Variants in TAMM41 observed in about 807,000 individuals in gnomAD.
TAMM41 encodes the protein phosphatidate cytidylyltransferase, mitochondrial.
A neutral mutation model predicts 44.1 loss-of-function variants in TAMM41; 36 were observed. That is an observed-to-expected ratio of 0.82 (90% CI 0.63 to 1.08). The LOEUF (loss-of-function observed/expected upper bound fraction) is 1.08, where lower values mean the gene tolerates loss of function less well. TAMM41 is among the 50% of genes least tolerant of loss of function. The pLI is 0.00. For synonymous variants in TAMM41, 164 were observed against 153.1 expected (o/e 1.07, Z -0.53); for missense variants, 417 against 404.3 (o/e 1.03, Z -0.27).
chr3:11,758,291 C>G, the TAMM41 span, among the ~76,000 whole-genome samples: 6 of 152,284 alleles, frequency 3.9e-5, no homozygotes, highest in African/African-American at 1.4e-4. Context: ...GCAATGGAGA[C>G]ATTCCAGGAT....
chr3:11,821,479 C>T (rs974787630), intron 4 of TAMM41, among the ~76,000 whole-genome samples: 1 of 152,122 alleles, frequency 6.6e-6, no homozygotes, highest in Non-Finnish European at 1.5e-5. Context: ...TGACAGGAGG[C>T]GGAGCTCAGG....
the TAMM41 span, among the ~76,000 whole-genome samples, chr3:11,742,151 A>T: frequency 6.7e-6 from 1 of 150,032 alleles, no homozygotes; most frequent in Admixed American, 6.6e-5. Context: ...CCATATATCC[A>T]ATTCCACAGT....
chr3:11,828,634 G>A (rs1416199439), intron 4 of TAMM41, among the ~76,000 whole-genome samples: 1 of 152,172 alleles, frequency 6.6e-6, no homozygotes, highest in Admixed American at 6.5e-5. Context: ...GCCACTCTTT[G>A]CCCCTATGTC....
At chr3:11,746,960 C>T in the TAMM41 span, among the ~76,000 whole-genome samples, 1 of 151,944 alleles carries the variant, frequency 6.6e-6, no homozygotes, top group East Asian at 1.9e-4. Context: ...CCATCTATAT[C>T]TAGAAATTCT....
the TAMM41 span, among the ~76,000 whole-genome samples, chr3:11,741,359 C>T: frequency 4.0e-5 from 6 of 149,344 alleles, no homozygotes; most frequent in South Asian, 2.1e-4. Flanking sequence ...CCTTTAAGCA[C>T]GACCACAAGG....
chr3:11,832,266 G>T (rs1231110178), intron 3 of TAMM41, among the ~76,000 whole-genome samples: 2 of 134,812 alleles, frequency 1.5e-5, no homozygotes, highest in African/African-American at 3.0e-5. Context: ...ATCACAGATG[G>T]GAAACATTCA....
At chr3:11,728,355 C>T in the TAMM41 span, among the ~76,000 whole-genome samples, 1 of 152,202 alleles carries the variant, frequency 6.6e-6, no homozygotes, top group East Asian at 1.9e-4. Context: ...TCAGTTCAAA[C>T]CCACATCTGG....
chr3:11,792,521 C>G (rs116650406), intron 7 of TAMM41, among the ~76,000 whole-genome samples: 2 of 152,266 alleles, frequency 1.3e-5, no homozygotes, highest in African/African-American at 4.8e-5. Flanking sequence ...CTGTGCAGGG[C>G]GTCCAGAGTT....
At chr3:11,811,604 A>C (rs2078088083) in intron 5 of TAMM41, 1 of 152,230 alleles carries the variant, frequency 6.6e-6, no homozygotes, top group African/African-American at 2.4e-5. Flanking sequence ...ACGAAAGTGA[A>C]AGCATTCAGC....
the TAMM41 span, among the ~76,000 whole-genome samples, chr3:11,740,870 G>A: frequency 8.1e-5 from 11 of 136,246 alleles, no homozygotes; most frequent in East Asian, 1.6e-3. Context: ...CAGCCTGACC[G>A]GTAATTTCTA....
At position 11,846,685 on chromosome 3, in the gene TAMM41, C is replaced by T. The variant is rs1559339360; in HGVS notation, c.-49G>A. 6.2e-7 allele frequency: 1 copy of T among 1,612,374 alleles called. No homozygotes were observed. Among genetic ancestry groups the T allele is most frequent in the South Asian group, 1.1e-5 (1 of 90,950 alleles). Reference sequence around the variant, plus strand: ...CTCAGCGCAGCAGGGCGAGGACAACCGGGCGGGGAACAGACACCGGGTAGG... The same window carrying T: ...CTCAGCGCAGCAGGGCGAGGACAACTGGGCGGGGAACAGACACCGGGTAGG... On this transcript the variant is annotated 5_prime_UTR_variant, in exon 1 of 8. Coordinates refer to ENST00000455809, the MANE Select transcript of TAMM41 (RefSeq NM_001284401.2).
At chr3:11,723,593 A>AAC in the TAMM41 span, among the ~76,000 whole-genome samples, 1 of 151,686 alleles carries the variant, frequency 6.6e-6, no homozygotes, top group African/African-American at 2.4e-5. Context: ...AAAAAAAAAA[A>AAC]AACAAAAACA....
At chr3:11,812,464 G>C (rs1239437599) in intron 5 of TAMM41, among the ~76,000 whole-genome samples, 1 of 152,158 alleles carries the variant, frequency 6.6e-6, no homozygotes, top group East Asian at 1.9e-4. Context: ...TGGGCCTGGG[G>C]ACCAAGGGTA....
At chr3:11,743,335 CTTT>C in the TAMM41 span, among the ~76,000 whole-genome samples, 12 of 140,986 alleles carry the variant, frequency 8.5e-5, no homozygotes, top group Non-Finnish European at 1.1e-4. Context: ...CTAATAATCT[CTTT>C]TTTTTTTTTT....
downstream of TAMM41, among the ~76,000 whole-genome samples, chr3:11,786,081 C>G (rs2077414933): frequency 1.3e-5 from 2 of 152,128 alleles, no homozygotes; most frequent in African/African-American, 4.8e-5. Context: ...TTTTGAGAGA[C>G]AGAGTCTCGC....
chr3:11,757,282 C>T, the TAMM41 span, among the ~76,000 whole-genome samples: 3 of 152,112 alleles, frequency 2.0e-5, no homozygotes, highest in Admixed American at 2.0e-4. Flanking sequence ...GAGATGTTCG[C>T]TGTTATGTTG....
chr3:11,733,373 G>A, the TAMM41 span, among the ~76,000 whole-genome samples: 836 of 152,248 alleles, frequency 5.5e-3, 27 homozygotes, highest in Non-Finnish European at 7.2e-4. Context: ...ATAGATGCCT[G>A]AGGCCTTTTA....
chr3:11,770,193 C>T, the TAMM41 span, among the ~76,000 whole-genome samples: 1 of 152,206 alleles, frequency 6.6e-6, no homozygotes, highest in Non-Finnish European at 1.5e-5. Context: ...GCTGCACAGA[C>T]TCTGTCTCCG....
chr3:11,770,754 G>C, the TAMM41 span, among the ~76,000 whole-genome samples: 1 of 152,184 alleles, frequency 6.6e-6, no homozygotes, highest in Non-Finnish European at 1.5e-5. Context: ...ACGAGCGACA[G>C]CCTACCAACA....
Sources: allele counts gnomAD v4.1 joint callset (sites outside exome capture counted in the v4.1 genomes callset), GRCh38; gene constraint gnomAD v4.1.1; transcripts MANE v1.5; gene names NCBI Gene and HGNC (gene_info 2026-07-23, HGNC 2026-07-21).